WDR47: variants seen among roughly 807,000 people sequenced by gnomAD.
WDR47 encodes the protein WD repeat domain 47, also known as WD repeat-containing protein 47.
Under a neutral mutation model 97.2 loss-of-function variants are expected in WDR47, and 32 were observed. That is an observed-to-expected ratio of 0.33 (90% CI 0.25 to 0.44). The LOEUF (loss-of-function observed/expected upper bound fraction) is 0.44, where lower values mean the gene tolerates loss of function less well. Among genes scored for constraint, WDR47 ranks in the 20% least tolerant of loss-of-function variants. The pLI is 1.00. For synonymous variants in WDR47, 375 were observed against 373.5 expected (o/e 1.00, Z -0.05); for missense variants, 782 against 1,102.3 (o/e 0.71, Z 4.11).
chr1:108,983,712 G>T (rs1036378887), intron 10 of WDR47, among the ~76,000 whole-genome samples: 1 of 150,584 alleles, frequency 6.6e-6, no homozygotes, highest in South Asian at 2.1e-4. Flanking sequence ...AAAAATCTCC[G>T]TTTCTCATAT....
At chr1:108,994,567 GATCCC>G (rs1659613737) in intron 8 of WDR47, among the ~76,000 whole-genome samples, 1 of 151,960 alleles carries the variant, frequency 6.6e-6, no homozygotes, top group Non-Finnish European at 1.5e-5. Flanking sequence ...AACATAGTGA[GATCCC>G]ATCTTAAAAA....
At chr1:109,018,983 C>T (rs1193783931) in intron 2 of WDR47, among the ~76,000 whole-genome samples, 3 of 152,006 alleles carry the variant, frequency 2.0e-5, no homozygotes, top group Non-Finnish European at 4.4e-5. Flanking sequence ...GTGGGATAAT[C>T]GCTTGAGTCA....
intron 3 of WDR47, among the ~76,000 whole-genome samples, chr1:109,015,875 C>T (rs1276976231): frequency 6.7e-6 from 1 of 149,664 alleles, no homozygotes; most frequent in African/African-American, 2.5e-5. Context: ...CCCAGCTGCT[C>T]GGGAGGCTGA....
intron 9 of WDR47, among the ~76,000 whole-genome samples, chr1:108,990,444 G>A (rs1274924804): frequency 1.3e-5 from 2 of 151,938 alleles, no homozygotes; most frequent in African/African-American, 2.4e-5. Context: ...CCCGACCTCA[G>A]ATGATCCAAC....
chr1:108,983,519 ATTATAC>A, intron 10 of WDR47, 68 bp from the exon 11 acceptor site: 1 of 1,295,688 alleles, frequency 7.7e-7, no homozygotes, highest in Non-Finnish European at 1.0e-6. Context: ...GAGGTTCCAT[ATTATAC>A]TTGTTCTTGA....
intron 8 of WDR47, among the ~76,000 whole-genome samples, chr1:108,994,042 G>T (rs936907669): frequency 3.3e-5 from 5 of 152,274 alleles, no homozygotes; most frequent in African/African-American, 1.2e-4. Flanking sequence ...CTGAAAATAA[G>T]GGATAGACAA....
At position 108,995,658 on chromosome 1, in the gene WDR47, A is replaced by G. The variant is rs1207207307; in HGVS notation, c.1613T>C (p.Ile538Thr). Residue 538 changes from isoleucine (I) to threonine (T), a missense_variant, in exon 8 of 15, where the codon ATT becomes ACT. Ile to Thr is a moderately conservative substitution (Grantham distance 89). Coordinates refer to ENST00000369962, the MANE Select transcript of WDR47 (RefSeq NM_001142551.2). The part of the protein sequence containing the change: ...SQRLTHDASN[I>T]HTSTPRNPGS... Reference sequence around the variant, plus strand: ...AGGATTACGAGGAGTGCTTGTATGAATATTTGAAGCATCATGTGTTAATCT... The same window carrying G: ...AGGATTACGAGGAGTGCTTGTATGAGTATTTGAAGCATCATGTGTTAATCT... 1.2e-6 allele frequency: 2 copies of G among 1,614,106 alleles called. No individual in the cohort carries two copies. Among genetic ancestry groups the G allele is most frequent in the South Asian group, 2.2e-5 (2 of 91,080 alleles).
At chr1:108,976,371 GAA>G (rs369190021) in intron 13 of WDR47, among the ~76,000 whole-genome samples, 1 of 132,348 alleles carries the variant, frequency 7.6e-6, no homozygotes, top group Admixed American at 7.7e-5. Flanking sequence ...TAGGGAAGAG[GAA>G]AAAAAAAAAA....
intron 1 of WDR47, among the ~76,000 whole-genome samples, chr1:109,038,569 C>G (rs1663119341): frequency 6.6e-6 from 1 of 151,236 alleles, no homozygotes; most frequent in African/African-American, 2.4e-5. Context: ...GTCCTAGCTA[C>G]TCGGGAGGCT....
At chr1:109,011,741 C>T (rs770193159) in intron 4 of WDR47, 23 bp from the exon 5 acceptor site, 2 of 1,534,650 alleles carry the variant, frequency 1.3e-6, no homozygotes, top group African/African-American at 2.8e-5. Context: ...TATAAATGAT[C>T]AAATAATCAC....
chr1:109,007,320 A>G (rs1050534220), intron 5 of WDR47, among the ~76,000 whole-genome samples: 16 of 151,436 alleles, frequency 1.1e-4, no homozygotes, highest in African/African-American at 3.9e-4. Context: ...TTCTATATAT[A>G]TAACATTTAA....
chr1:108,975,747 G>T (rs920548653), intron 13 of WDR47, among the ~76,000 whole-genome samples: 3 of 151,610 alleles, frequency 2.0e-5, no homozygotes, highest in East Asian at 3.9e-4. Flanking sequence ...ATAAAAAAAT[G>T]GGACACAAGT....
intron 5 of WDR47, among the ~76,000 whole-genome samples, chr1:109,006,716 G>A (rs970135399): frequency 2.0e-5 from 3 of 152,036 alleles, no homozygotes; most frequent in Non-Finnish European, 2.9e-5. Context: ...CTTGAACTCA[G>A]GTCATCAGAC....
At chr1:109,011,987 AC>A (rs1661062660) in intron 4 of WDR47, among the ~76,000 whole-genome samples, 1 of 152,148 alleles carries the variant, frequency 6.6e-6, no homozygotes, top group South Asian at 2.1e-4. Context: ...TCTGCTGCCC[AC>A]GCTGGAGTGC....
intron 1 of WDR47, among the ~76,000 whole-genome samples, chr1:109,023,985 G>A (rs1338039567): frequency 2.0e-5 from 3 of 152,106 alleles, no homozygotes; most frequent in Non-Finnish European, 4.4e-5. Context: ...CATTGTCCCA[G>A]GTATGCTCTA....
intron 8 of WDR47, among the ~76,000 whole-genome samples, chr1:108,993,259 G>A (rs1019086146): frequency 6.6e-6 from 1 of 151,954 alleles, no homozygotes; most frequent in African/African-American, 2.4e-5. Context: ...CAGGAGGCCG[G>A]GGGTTGCAGT....
chr1:108,974,246 T>C (rs1388518414), intron 14 of WDR47, among the ~76,000 whole-genome samples: 2 of 151,096 alleles, frequency 1.3e-5, no homozygotes, highest in Admixed American at 6.6e-5. Context: ...TCCCAGCACT[T>C]TGGGAGACGA....
At chr1:109,019,684 T>C (rs1266722691) in intron 2 of WDR47, among the ~76,000 whole-genome samples, 1 of 152,202 alleles carries the variant, frequency 6.6e-6, no homozygotes, top group Non-Finnish European at 1.5e-5. Flanking sequence ...TGAGAAACTC[T>C]GCTCTACATT....
Position 108,971,399 on chromosome 1 carries a change from T to C in WDR47, c.*31A>G, listed in dbSNP as rs1314600220. Reference sequence around the variant, plus strand: ...ACTCAGTAGTCTTAAGTCTCTGTGCTTTTGCTGCATAGACTGACATGCGGT... The same window carrying C: ...ACTCAGTAGTCTTAAGTCTCTGTGCCTTTGCTGCATAGACTGACATGCGGT... On this transcript the variant is annotated 3_prime_UTR_variant, in exon 15 of 15. Transcript: ENST00000369962. The C allele has an allele frequency of 1.9e-6, 3 of 1,612,866 alleles. No homozygotes were observed. Among genetic ancestry groups the C allele is most frequent in the Non-Finnish European group, 2.5e-6 (3 of 1,179,374 alleles).
Sources: allele counts gnomAD v4.1 joint callset (sites outside exome capture counted in the v4.1 genomes callset), GRCh38; gene constraint gnomAD v4.1.1; transcripts MANE v1.5; gene names NCBI Gene and HGNC (gene_info 2026-07-23, HGNC 2026-07-21).